CADM2: variants seen among roughly 807,000 people sequenced by gnomAD.
The protein encoded by CADM2 is immunoglobulin superfamily member 4D.
In CADM2, 12 loss-of-function variants were observed where a neutral mutation model predicts 49.8. The observed-to-expected ratio is 0.24, with a 90% CI of 0.15 to 0.39. CADM2 has a LOEUF of 0.39. CADM2 is among the 10% of genes least tolerant of loss of function. CADM2 has a pLI of 1.00. For synonymous variants in CADM2, 214 were observed against 175.4 expected, an observed-to-expected ratio of 1.22 and a Z score of -1.74; for missense variants, 378 against 492.3, an observed-to-expected ratio of 0.77 and a Z score of 2.20.
chr3:85,427,920 A>G (rs1472974942), intron 1 of CADM2, among the ~76,000 whole-genome samples: 1 of 152,078 alleles, frequency 6.6e-6, no homozygotes, highest in Non-Finnish European at 1.5e-5. Context: ...CTATAACTTC[A>G]ATGGAATTGA....
chr3:85,537,661 A>C, intron 1 of CADM2, among the ~76,000 whole-genome samples: 1 of 152,094 alleles, frequency 6.6e-6, no homozygotes, highest in East Asian at 1.9e-4. Context: ...GTCATGTTAT[A>C]ACCAGTTAAA....
At chr3:85,401,123 C>T (rs2035086119) in intron 1 of CADM2, among the ~76,000 whole-genome samples, 1 of 152,190 alleles carries the variant, frequency 6.6e-6, no homozygotes, top group African/African-American at 2.4e-5. Context: ...GCCTTTGGCT[C>T]CTCCTCTCAC....
intron 1 of CADM2, among the ~76,000 whole-genome samples, chr3:85,640,393 G>A (rs919996982): frequency 6.6e-6 from 1 of 152,094 alleles, no homozygotes; most frequent in African/African-American, 2.4e-5. Flanking sequence ...AAAAAAATGT[G>A]GTTTTTGAAC....
At chr3:85,763,008 A>G (rs548630918) in intron 2 of CADM2, among the ~76,000 whole-genome samples, 225 of 152,240 alleles carry the variant, frequency 1.5e-3, no homozygotes, top group African/African-American at 5.3e-3. Context: ...TCTCATTATT[A>G]CAACAAAGCT....
At chr3:85,570,767 C>A (rs866005192) in intron 1 of CADM2, among the ~76,000 whole-genome samples, 4 of 152,176 alleles carry the variant, frequency 2.6e-5, no homozygotes, top group Middle Eastern at 6.8e-3. Context: ...TGCCACAAAT[C>A]TGAAAATCAA....
Position 85,264,464 on chromosome 3 carries a change from G to A in CADM2, c.61+304796G>A, listed in dbSNP as rs1576238362. Among the ~76,000 whole-genome samples the A allele has an allele frequency of 2.0e-5, 3 of 152,136 alleles. No homozygotes were observed. The East Asian group carries it at 5.8e-4, about 29-fold the overall frequency. ...CTATACTAATTATATCATATCAACA[G>A]TAAAATTGTTTATTCCTTTTCTTTG... is the stretch of plus-strand genomic sequence containing the variant. On this transcript the variant is annotated intron_variant, in intron 1 of 9. Coordinates refer to ENST00000383699, the MANE Select transcript of CADM2 (RefSeq NM_001167675.2).
intron 1 of CADM2, among the ~76,000 whole-genome samples, chr3:85,017,849 C>T (rs957243571): frequency 1.6e-4 from 24 of 152,138 alleles, no homozygotes; most frequent in Admixed American, 5.2e-4. Flanking sequence ...TATTTTGTTA[C>T]TATGACCCGA....
At chr3:85,699,121 T>C (rs940623637) in intron 1 of CADM2, among the ~76,000 whole-genome samples, 11 of 152,036 alleles carry the variant, frequency 7.2e-5, no homozygotes, top group African/African-American at 2.7e-4. Context: ...TCCAAAATAA[T>C]CTCCTTTGAC....
intron 1 of CADM2, among the ~76,000 whole-genome samples, chr3:85,701,127 G>A (rs908117743): frequency 6.6e-6 from 1 of 152,134 alleles, no homozygotes; most frequent in African/African-American, 2.4e-5. Context: ...AGCAAAGGGG[G>A]AGCTGCCACT....
intron 1 of CADM2, among the ~76,000 whole-genome samples, chr3:85,688,853 C>T (rs2066294923): frequency 6.6e-6 from 1 of 152,152 alleles, no homozygotes; most frequent in African/African-American, 2.4e-5. Flanking sequence ...CAGGCATAAG[C>T]CACTGCACCT....
At chr3:85,570,600 C>A (rs916768215) in intron 1 of CADM2, among the ~76,000 whole-genome samples, 1 of 151,806 alleles carries the variant, frequency 6.6e-6, no homozygotes, top group South Asian at 2.1e-4. Flanking sequence ...AAATAGGTAG[C>A]GTTTTTAAAA....
intron 1 of CADM2, among the ~76,000 whole-genome samples, chr3:85,607,433 A>G (rs1010412255): frequency 6.6e-6 from 1 of 152,104 alleles, no homozygotes; most frequent in African/African-American, 2.4e-5. Context: ...AGAGATGCTT[A>G]GAGAATCACA....
chr3:85,027,441 AAGT>A (rs1211950226), intron 1 of CADM2, among the ~76,000 whole-genome samples: 2 of 151,856 alleles, frequency 1.3e-5, no homozygotes, highest in Non-Finnish European at 2.9e-5. Context: ...CGTTTTATGT[AAGT>A]AGTTAGAATA....
At chr3:85,092,999 A>G (rs964272496) in intron 1 of CADM2, among the ~76,000 whole-genome samples, 2 of 152,114 alleles carry the variant, frequency 1.3e-5, no homozygotes, top group Admixed American at 6.6e-5. Flanking sequence ...CTTTGCATAA[A>G]CTTTTCTACT....
At chr3:85,621,541 TA>T (rs1701571838) in intron 1 of CADM2, among the ~76,000 whole-genome samples, 1 of 152,302 alleles carries the variant, frequency 6.6e-6, no homozygotes, top group East Asian at 1.9e-4. Flanking sequence ...GAAATGTAAT[TA>T]TGTCTTTATA....
intron 1 of CADM2, among the ~76,000 whole-genome samples, chr3:85,267,175 T>C (rs2043139942): frequency 1.3e-5 from 2 of 151,746 alleles, no homozygotes; most frequent in South Asian, 4.1e-4. Flanking sequence ...CTCTACATAG[T>C]AGGATTTTTA....
chr3:85,951,449 T>A (rs895950861), intron 7 of CADM2, among the ~76,000 whole-genome samples: 1 of 150,944 alleles, frequency 6.6e-6, no homozygotes, highest in African/African-American at 2.4e-5. Flanking sequence ...TCTGTTTCAG[T>A]ACCAAGTATC....
chr3:86,020,257 G>C (rs1433572427), intron 8 of CADM2, among the ~76,000 whole-genome samples: 1 of 151,290 alleles, frequency 6.6e-6, no homozygotes, highest in Non-Finnish European at 1.5e-5. Flanking sequence ...TAAATTCCTC[G>C]ACACATACAC....
At chr3:85,359,658 A>ATTTTT (rs1472399629) in intron 1 of CADM2, among the ~76,000 whole-genome samples, 2 of 17,460 alleles carry the variant, frequency 1.1e-4, no homozygotes, top group African/African-American at 2.4e-4. Context: ...ATATATATAT[A>ATTTTT]TATATATATT....
Sources: allele counts gnomAD v4.1 joint callset (sites outside exome capture counted in the v4.1 genomes callset), GRCh38; gene constraint gnomAD v4.1.1; transcripts MANE v1.5; gene names NCBI Gene and HGNC (gene_info 2026-07-23, HGNC 2026-07-21).